Variants in MAPRE2 observed in about 807,000 individuals in gnomAD.
MAPRE2 encodes microtubule associated protein RP/EB family member 2, also known as microtubule-associated protein RP/EB family member 2.
Under a neutral mutation model 43.2 loss-of-function variants are expected in MAPRE2, and 13 were observed. The ratio of observed to expected loss-of-function variants is 0.30; its 90% CI spans 0.20 to 0.48. The LOEUF (loss-of-function observed/expected upper bound fraction) is 0.48. MAPRE2 is among the 20% of genes least tolerant of loss of function. The pLI is 0.99. For missense variants in MAPRE2, 161 were observed against 400.2 expected, an observed-to-expected ratio of 0.40 and a Z score of 5.10; for synonymous variants, 135 against 148.8, an observed-to-expected ratio of 0.91 and a Z score of 0.68.
intron 4 of MAPRE2, among the ~76,000 whole-genome samples, chr18:35,111,912 G>C (rs1477810020): frequency 6.6e-6 from 1 of 152,106 alleles, no homozygotes; most frequent in Non-Finnish European, 1.5e-5. Context: ...ATCAAGATGA[G>C]TCATGCCTGT....
chr18:34,986,586 T>A (rs1306302995), intron 1 of MAPRE2, among the ~76,000 whole-genome samples: 1 of 152,168 alleles, frequency 6.6e-6, no homozygotes, highest in Non-Finnish European at 1.5e-5. Context: ...ACAGATCCCC[T>A]AAAAGGAGCT....
chr18:35,007,822 A>AT lies in MAPRE2; in HGVS notation c.-8+2280dup, dbSNP rs11357295. Among the ~76,000 whole-genome samples, 957 of 150,998 alleles carry AT rather than the reference A, an allele frequency of 6.3e-3. 7 individuals are homozygous for AT. Among genetic ancestry groups the AT allele is most frequent in the African/African-American group, 0.021 (882 of 41,126 alleles). On this transcript the variant is annotated intron_variant, in intron 2 of 7. Coordinates refer to the MAPRE2 transcript ENST00000413393. ...AACTGCACGGGCTTACTTATAAGTGATTTTTTTTTTTCAATAAATGCAGTC... is the reference window on the plus strand; with the variant it reads ...AACTGCACGGGCTTACTTATAAGTGATTTTTTTTTTTTCAATAAATGCAGTC...
chr18:35,112,206 G>T (rs1456418416), intron 4 of MAPRE2, among the ~76,000 whole-genome samples: 1 of 146,984 alleles, frequency 6.8e-6, no homozygotes, highest in Non-Finnish European at 1.5e-5. Flanking sequence ...TTTTATGGAC[G>T]GAGTTTCACT....
chr18:34,985,526 TATAA>T (rs1258077218), intron 1 of MAPRE2, among the ~76,000 whole-genome samples: 19 of 59,600 alleles, frequency 3.2e-4, no homozygotes, highest in African/African-American at 1.2e-3. Flanking sequence ...TATTATATAT[TATAA>T]ATATAATATA....
intron 1 of MAPRE2, among the ~76,000 whole-genome samples, chr18:35,046,100 A>G (rs1432534865): frequency 1.3e-5 from 2 of 152,224 alleles, no homozygotes; most frequent in Non-Finnish European, 2.9e-5. Flanking sequence ...CTTTATTTAC[A>G]GGGACCTCTT....
chr18:34,991,140 A>G (rs147150991), intron 1 of MAPRE2, among the ~76,000 whole-genome samples: 106 of 152,248 alleles, frequency 7.0e-4, no homozygotes, highest in African/African-American at 2.4e-3. Context: ...ATAGTATCCA[A>G]CAGGTAGTTT....
chr18:35,083,570 A>G lies in MAPRE2; in HGVS notation c.250+13248A>G, dbSNP rs60175190. Among the ~76,000 whole-genome samples the G allele has an allele frequency of 2.9e-3, 434 of 152,268 alleles. 3 individuals are homozygous for G. The highest frequency in any genetic ancestry group is 0.01 in the African/African-American group (423 of 41,544). ...CCAGTGACATTTTGTCCTGCACACC[A>G]TTCCTGCCCTGTGCTCCCAGTGCCT... is the stretch of plus-strand genomic sequence containing the variant. On this transcript the variant is annotated intron_variant, in intron 2 of 6. Coordinates refer to ENST00000300249, the MANE Select transcript of MAPRE2 (RefSeq NM_014268.4).
At chr18:35,084,363 A>T (rs939785359) in intron 2 of MAPRE2, among the ~76,000 whole-genome samples, 12 of 152,338 alleles carry the variant, frequency 7.9e-5, no homozygotes, top group African/African-American at 2.9e-4. Flanking sequence ...GGATACTGGC[A>T]CCTTTAACTG....
intron 4 of MAPRE2, among the ~76,000 whole-genome samples, chr18:35,119,746 G>T (rs1027852333): frequency 1.3e-5 from 2 of 152,198 alleles, no homozygotes; most frequent in Non-Finnish European, 2.9e-5. Context: ...TGATGCAGTT[G>T]TGCATCTTTA....
chr18:35,014,406 CCCAG>C (rs2097036820), intron 2 of MAPRE2, among the ~76,000 whole-genome samples: 1 of 142,292 alleles, frequency 7.0e-6, no homozygotes, highest in Non-Finnish European at 1.5e-5. Flanking sequence ...TTTTTTTGGT[CCCAG>C]CAGGTCTCGG....
intron 2 of MAPRE2, among the ~76,000 whole-genome samples, chr18:35,016,626 T>C (rs2097038437): frequency 6.6e-6 from 1 of 152,048 alleles, no homozygotes; most frequent in Non-Finnish European, 1.5e-5. Flanking sequence ...TCTGTTCATG[T>C]TTTTGCCTAT....
chr18:35,109,435 T>C (rs1381575310), intron 4 of MAPRE2, among the ~76,000 whole-genome samples: 1 of 152,342 alleles, frequency 6.6e-6, no homozygotes, highest in African/African-American at 2.4e-5. Context: ...GTCTTGGCTA[T>C]ACAGGGTCTT....
At chr18:34,989,035 C>A (rs2097022436) in intron 1 of MAPRE2, among the ~76,000 whole-genome samples, 1 of 152,030 alleles carries the variant, frequency 6.6e-6, no homozygotes, top group African/African-American at 2.4e-5. Context: ...TTAAAACATC[C>A]CAGGGCAGAA....
At chr18:35,062,272 A>G (rs75695151) in intron 1 of MAPRE2, among the ~76,000 whole-genome samples, 2,849 of 152,318 alleles carry the variant, frequency 0.019, 33 homozygotes, top group Middle Eastern at 0.034. Context: ...TCCTTTGGCT[A>G]AGTATTTAAT....
At chr18:34,978,527 A>G in intron 1 of MAPRE2, 1 of 1,551,718 alleles carries the variant, frequency 6.4e-7, no homozygotes, top group Middle Eastern at 1.7e-4. Flanking sequence ...AATGAAACAG[A>G]ACAGAGATCA....
intron 4 of MAPRE2, among the ~76,000 whole-genome samples, chr18:35,125,077 A>G (rs1454263222): frequency 2.6e-5 from 4 of 152,208 alleles, no homozygotes; most frequent in East Asian, 1.9e-4. Flanking sequence ...TTTAAAGTAT[A>G]TTAGGCACCT....
chr18:34,996,524 C>G (rs906572573), intron 1 of MAPRE2, among the ~76,000 whole-genome samples: 1 of 152,174 alleles, frequency 6.6e-6, no homozygotes, highest in Non-Finnish European at 1.5e-5. Flanking sequence ...CAGCACCCAA[C>G]ATGGTACCTG....
intron 1 of MAPRE2, among the ~76,000 whole-genome samples, chr18:35,044,491 A>G (rs1763517441): frequency 1.3e-5 from 2 of 152,188 alleles, no homozygotes; most frequent in Non-Finnish European, 2.9e-5. Context: ...TGGCCTCCCA[A>G]AGTGCTGGGA....
intron 2 of MAPRE2, among the ~76,000 whole-genome samples, chr18:35,013,129 T>A (rs778218783): frequency 3.6e-4 from 55 of 152,202 alleles, no homozygotes; most frequent in Admixed American, 9.2e-4. Context: ...TTGGTGAGAA[T>A]AATTTCAATG....
Sources: gnomAD v4.1 joint callset for allele counts (sites outside exome capture counted in the v4.1 genomes callset) on GRCh38, gnomAD v4.1.1 for gene constraint, MANE v1.5 for transcripts, NCBI Gene and HGNC (gene_info 2026-07-23, HGNC 2026-07-21) for gene names.